Variants in TFEC observed in about 807,000 individuals in gnomAD.
TFEC encodes class E basic helix-loop-helix protein 34.
In TFEC, 31 loss-of-function variants were observed where a neutral mutation model predicts 41.6. That is an observed-to-expected ratio of 0.74 (90% CI 0.56 to 1.01). The LOEUF (loss-of-function observed/expected upper bound fraction) is 1.01, where lower values mean the gene tolerates loss of function less well. Among genes scored for constraint, TFEC ranks in the 50% least tolerant of loss-of-function variants. The pLI is 0.00. For synonymous variants in TFEC, 143 were observed against 140.6 expected, an observed-to-expected ratio of 1.02 and a Z score of -0.12; for missense variants, 402 against 404.1, an observed-to-expected ratio of 0.99 and a Z score of 0.04.
At chr7:116,026,250 G>C (rs922702686) in intron 1 of TFEC, among the ~76,000 whole-genome samples, 1 of 152,148 alleles carries the variant, frequency 6.6e-6, no homozygotes, top group Non-Finnish European at 1.5e-5. Context: ...CTAGTCTTTC[G>C]ATCCACTGGA....
chr7:116,066,596 A>C (rs1796700208), intron 3 of TFEC, among the ~76,000 whole-genome samples: 1 of 152,068 alleles, frequency 6.6e-6, no homozygotes, highest in South Asian at 2.1e-4. Flanking sequence ...AGCCTAGGAA[A>C]AGTGGAAAAT....
At chr7:116,110,856 C>G (rs1289180927) in exon 3 of TFEC, 4 of 1,543,102 alleles carry the variant, frequency 2.6e-6, no homozygotes, top group Non-Finnish European at 3.5e-6. Flanking sequence ...CTCCTTTTCT[C>G]CTAATTGTTC....
intron 3 of TFEC, among the ~76,000 whole-genome samples, chr7:116,072,159 A>C (rs1354307648): frequency 6.6e-6 from 1 of 151,514 alleles, no homozygotes; most frequent in East Asian, 1.9e-4. Flanking sequence ...CTATGTTTAC[A>C]TTTTAATCTC....
chr7:115,979,822 C>T (rs568175122), intron 2 of TFEC, among the ~76,000 whole-genome samples: 9 of 152,254 alleles, frequency 5.9e-5, no homozygotes, highest in South Asian at 2.1e-4. Flanking sequence ...GACACTGAGA[C>T]GCATCAACAT....
chr7:116,034,478 C>G (rs1265127489), upstream of TFEC, among the ~76,000 whole-genome samples: 2 of 151,960 alleles, frequency 1.3e-5, no homozygotes, highest in African/African-American at 4.8e-5. Flanking sequence ...GCTCACTCCT[C>G]TCTTTCTCTA....
chr7:115,999,821 C>A (rs1794516450), intron 1 of TFEC, among the ~76,000 whole-genome samples: 1 of 111,384 alleles, frequency 9.0e-6, no homozygotes, highest in Non-Finnish European at 1.8e-5. Flanking sequence ...GTAGCAAGAT[C>A]AAAGCCATAA....
chr7:116,072,837 G>A (rs1796861926), intron 3 of TFEC, among the ~76,000 whole-genome samples: 2 of 151,456 alleles, frequency 1.3e-5, no homozygotes, highest in African/African-American at 4.8e-5. Flanking sequence ...GGGTATCTAT[G>A]AAAAAACACA....
chr7:116,063,213 C>A (rs878877411), intron 3 of TFEC, among the ~76,000 whole-genome samples: 1 of 152,066 alleles, frequency 6.6e-6, no homozygotes, highest in Admixed American at 6.6e-5. Flanking sequence ...ATATAAAATA[C>A]TAGAGAAGGC....
intron 1 of TFEC, among the ~76,000 whole-genome samples, chr7:116,127,487 T>C (rs1254943549): frequency 6.6e-6 from 1 of 152,176 alleles, no homozygotes; most frequent in Non-Finnish European, 1.5e-5. Context: ...CTTACTTCCA[T>C]TGTCTTTTCT....
At chr7:116,106,331 CACTT>C (rs1797715841) in intron 3 of TFEC, among the ~76,000 whole-genome samples, 1 of 151,426 alleles carries the variant, frequency 6.6e-6, no homozygotes, top group Non-Finnish European at 1.5e-5. Flanking sequence ...TGTGCCTCAA[CACTT>C]AAAGTGTCAG....
chr7:116,056,549 C>T (rs1275347951), intron 3 of TFEC, among the ~76,000 whole-genome samples: 1 of 152,106 alleles, frequency 6.6e-6, no homozygotes, highest in Non-Finnish European at 1.5e-5. Flanking sequence ...ACCAGCCATA[C>T]TGGAAATCAC....
At chr7:115,943,959 T>G (rs1793643236) in intron 6 of TFEC, among the ~76,000 whole-genome samples, 1 of 134,408 alleles carries the variant, frequency 7.4e-6, no homozygotes, top group South Asian at 2.6e-4. Flanking sequence ...CATTAAAAAA[T>G]AATTTTAAAA....
intron 5 of TFEC, among the ~76,000 whole-genome samples, chr7:115,954,024 C>T (rs188236681): frequency 1.3e-5 from 2 of 152,170 alleles, no homozygotes; most frequent in African/African-American, 4.8e-5. Context: ...TAAAGCTCAG[C>T]CTCGCTGCCA....
chr7:116,151,783 G>A (rs1285065148), intron 1 of TFEC, among the ~76,000 whole-genome samples: 1 of 152,036 alleles, frequency 6.6e-6, no homozygotes, highest in African/African-American at 2.4e-5. Context: ...CAGATAATAT[G>A]AAGTGACAGA....
chr7:115,995,361 AAAT>A (rs1336421635), intron 1 of TFEC, among the ~76,000 whole-genome samples: 6 of 152,224 alleles, frequency 3.9e-5, no homozygotes, highest in Admixed American at 2.6e-4. Context: ...AACAAAAATA[AAAT>A]AATAAGGCAT....
At position 116,030,632 on chromosome 7, in the gene TFEC, C is replaced by T. The variant is rs1013552876; in HGVS notation, c.-73+1G>A. On this transcript the variant is annotated splice_donor_variant, in intron 1 of 7. Transcript: ENST00000265440. LOFTEE classifies it low-confidence loss of function (5UTR_SPLICE). ...ATTAACCTGCCGGTTTAGTTACCTA[C>T]CAGCAATGAGTGGATTTTATCAGTG... 7 of 985,258 alleles carry T rather than the reference C, an allele frequency of 7.1e-6. No homozygotes were observed. The South Asian group carries it at 2.3e-4, about 33-fold the overall frequency. 61.0% of individuals were successfully genotyped at this position (985,258 alleles called of 1,614,324 possible).
At chr7:116,052,642 T>C (rs897571937) in intron 3 of TFEC, among the ~76,000 whole-genome samples, 1 of 151,784 alleles carries the variant, frequency 6.6e-6, no homozygotes, top group African/African-American at 2.4e-5. Flanking sequence ...TTGGCCAGGA[T>C]GGTCTCAATC....
chr7:116,026,157 C>T (rs145025888), intron 1 of TFEC, among the ~76,000 whole-genome samples: 1 of 152,288 alleles, frequency 6.6e-6, no homozygotes, highest in Admixed American at 6.5e-5. Context: ...CTCTTCAGCC[C>T]CACTTCATGT....
chr7:115,973,781 C>T (rs954831363), intron 3 of TFEC, among the ~76,000 whole-genome samples: 19 of 152,010 alleles, frequency 1.2e-4, no homozygotes, highest in Non-Finnish European at 2.1e-4. Context: ...GGTATAGAGC[C>T]TCTAAATCTG....
Sources: gnomAD v4.1 joint callset for allele counts (sites outside exome capture counted in the v4.1 genomes callset) on GRCh38, gnomAD v4.1.1 for gene constraint, MANE v1.5 for transcripts, NCBI Gene and HGNC (gene_info 2026-07-23, HGNC 2026-07-21) for gene names.